Variants in AFF3 observed in about 807,000 individuals in gnomAD.
The protein encoded by AFF3 is ALF transcription elongation factor 3.
In AFF3, 32 loss-of-function variants were observed where a neutral mutation model predicts 129.7. The ratio of observed to expected loss-of-function variants is 0.25; its 90% CI spans 0.19 to 0.33. AFF3 has a LOEUF of 0.33. Ranked by LOEUF, AFF3 falls within the 10% of genes least tolerant of loss-of-function variation. AFF3 has a pLI of 1.00. For missense variants in AFF3, 1,373 were observed against 1,592.0 expected (o/e 0.86, Z 2.34); for synonymous variants, 644 against 635.4 (o/e 1.01, Z -0.20).
intron 8 of AFF3, among the ~76,000 whole-genome samples, chr2:99,828,556 G>A (rs554447721): frequency 1.3e-5 from 2 of 152,288 alleles, no homozygotes; most frequent in Admixed American, 1.3e-4. Flanking sequence ...AGACCGCCAC[G>A]AGACGGACCC....
At chr2:99,630,588 A>C (rs1367320090) in intron 13 of AFF3, 1 of 152,740 alleles carries the variant, frequency 6.5e-6, no homozygotes, top group Non-Finnish European at 1.5e-5. Context: ...TAATTTATAA[A>C]GAAACAAATT....
Position 99,932,582 on chromosome 2 carries a change from G to A in AFF3, c.873+74050C>T, listed in dbSNP as rs148082309. ...CAGGATCCAGCCAACCAGTGCTGAC[G>A]TCCTTCGCTCAGGGAGGTGTTGGGC... is the stretch of plus-strand genomic sequence containing the variant. On this transcript the variant is annotated intron_variant, in intron 7 of 24. Coordinates refer to ENST00000672756, the MANE Select transcript of AFF3 (RefSeq NM_001386135.1). 2.4e-4 allele frequency among the ~76,000 whole-genome samples: 36 copies of A among 152,282 alleles called. 1 individual carries two copies. The East Asian group carries it at 3.9e-3, about 16-fold the overall frequency.
chr2:99,772,750 G>A lies in AFF3; in HGVS notation c.922-20449C>T, dbSNP rs376533165. On this transcript the variant is annotated intron_variant, in intron 8 of 24. Coordinates refer to ENST00000672756, the MANE Select transcript of AFF3 (RefSeq NM_001386135.1). ...CTGGGAAGTTAAGGTCCTAGTCTCC[G>A]GCTAATTCTAGAACCATCTATCATT... is the stretch of plus-strand genomic sequence containing the variant. Among the ~76,000 whole-genome samples the A allele has an allele frequency of 1.4e-4, 22 of 152,234 alleles. No homozygotes were observed. In the East Asian group the frequency reaches 2.5e-3, roughly 17 times the overall value.
At chr2:100,109,585 T>G (rs1430180656) in intron 2 of AFF3, among the ~76,000 whole-genome samples, 2 of 152,156 alleles carry the variant, frequency 1.3e-5, no homozygotes, top group Non-Finnish European at 2.9e-5. Context: ...ACAGGTTCTT[T>G]GTCATGCTTC....
Position 99,601,586 on chromosome 2 carries a change from A to G in AFF3, c.1220T>C (p.Val407Ala). 6.3e-7 allele frequency: 1 copy of G among 1,598,656 alleles called. No individual in the cohort carries two copies. Among genetic ancestry groups the G allele is most frequent in the Non-Finnish European group, 8.5e-7 (1 of 1,176,850 alleles). The change falls in exon 14 of 25, where the codon GTG becomes GCG. Residue 407 changes from valine (V) to alanine (A), a missense_variant. Val to Ala is a moderately conservative substitution (Grantham distance 64, BLOSUM62 0). Transcript: ENST00000672756. ...VVQQPNCRTS[V>A]PSSKGSSSSS... ...GCTGCTGCTGCCCTTGCTGGAAGGC[A>G]CCGAGGTTCTGCAGTTGGGCTGCTG...
intron 7 of AFF3, among the ~76,000 whole-genome samples, chr2:99,892,032 C>T (rs1693600246): frequency 6.6e-6 from 1 of 152,126 alleles, no homozygotes. Flanking sequence ...CCGTATTAGC[C>T]AGGATGGTCT....
chr2:99,667,882 C>T (rs991200655), intron 12 of AFF3, among the ~76,000 whole-genome samples: 11 of 151,400 alleles, frequency 7.3e-5, no homozygotes, highest in Non-Finnish European at 1.0e-4. Context: ...TTTGGCTGGG[C>T]GTGGTGGCTC....
At chr2:99,957,419 G>C (rs899701702) in intron 7 of AFF3, among the ~76,000 whole-genome samples, 11 of 152,146 alleles carry the variant, frequency 7.2e-5, no homozygotes, top group African/African-American at 2.7e-4. Context: ...TCCACAGCCT[G>C]TCAAATTAGA....
At chr2:100,084,328 A>G (rs1689260627) in intron 4 of AFF3, among the ~76,000 whole-genome samples, 1 of 152,250 alleles carries the variant, frequency 6.6e-6, no homozygotes, top group Non-Finnish European at 1.5e-5. Flanking sequence ...AGCTCATTTA[A>G]TCCTCACATT....
chr2:100,084,281 T>C (rs1426865470), intron 4 of AFF3, among the ~76,000 whole-genome samples: 1 of 152,238 alleles, frequency 6.6e-6, no homozygotes, highest in Non-Finnish European at 1.5e-5. Flanking sequence ...GCTAAACACA[T>C]TGTGCACTTA....
chr2:99,615,168 G>C (rs912444628), intron 13 of AFF3, among the ~76,000 whole-genome samples: 3 of 152,202 alleles, frequency 2.0e-5, no homozygotes, highest in Non-Finnish European at 4.4e-5. Flanking sequence ...TCACTGGGCA[G>C]CATGGAAATG....
In AFF3 at chr2:99,837,664, G is replaced by C. The variant is rs964038906; in HGVS notation, c.874-140C>G. On this transcript the variant is annotated intron_variant, in intron 7 of 24. Transcript: ENST00000672756. ...TGAGGGGATGCCTGACCTGGGACTG[G>C]CAGACAGGCTCCTTTCCCTAACAGC... 1.1e-4 allele frequency: 75 copies of C among 689,118 alleles called. No individual in the cohort carries two copies. The African/African-American group carries it at 1.3e-3, about 12-fold the overall frequency. The allele number at this position is 689,118 out of a possible 1,614,324, so 42.7% of individuals were successfully genotyped here. A position where few individuals can be genotyped will look rare whatever the true frequency, so the allele number is the denominator to read the frequency against.
chr2:100,067,451 C>A (rs1389352217), intron 4 of AFF3, among the ~76,000 whole-genome samples: 1 of 152,150 alleles, frequency 6.6e-6, no homozygotes, highest in Non-Finnish European at 1.5e-5. Flanking sequence ...AGAATCCTTT[C>A]TGAGTGATCA....
chr2:99,764,129 C>T (rs1682826007), intron 8 of AFF3, among the ~76,000 whole-genome samples: 1 of 152,160 alleles, frequency 6.6e-6, no homozygotes, highest in Non-Finnish European at 1.5e-5. Context: ...CCTGTGCATC[C>T]CACTTGCTCC....
chr2:99,801,915 T>C (rs550563092), intron 8 of AFF3, among the ~76,000 whole-genome samples: 3 of 152,340 alleles, frequency 2.0e-5, no homozygotes, highest in Non-Finnish European at 4.4e-5. Flanking sequence ...CACCTCCCAA[T>C]AGAACTATTT....
chr2:99,778,592 CA>C (rs1469987435), intron 8 of AFF3, among the ~76,000 whole-genome samples: 2 of 152,144 alleles, frequency 1.3e-5, no homozygotes, highest in Non-Finnish European at 2.9e-5. Flanking sequence ...TCTATCTTAA[CA>C]ATATTAAGTC....
chr2:100,014,139 C>G (rs1158172652), intron 4 of AFF3, among the ~76,000 whole-genome samples: 1 of 150,952 alleles, frequency 6.6e-6, no homozygotes, highest in South Asian at 2.1e-4. Flanking sequence ...GCACTCGCTC[C>G]AAGCAAACTG....
At chr2:100,048,029 C>T (rs1196798474) in intron 4 of AFF3, among the ~76,000 whole-genome samples, 2 of 152,334 alleles carry the variant, frequency 1.3e-5, no homozygotes, top group Non-Finnish European at 1.5e-5. Flanking sequence ...CAACCAAAGA[C>T]GTTCTGGTGT....
intron 7 of AFF3, among the ~76,000 whole-genome samples, chr2:99,885,881 G>A (rs1183307631): frequency 6.6e-6 from 1 of 152,170 alleles, no homozygotes; most frequent in Non-Finnish European, 1.5e-5. Context: ...ATGTGATAGA[G>A]CTTCTCCACC....
Sources: gnomAD v4.1 joint callset for allele counts (sites outside exome capture counted in the v4.1 genomes callset) on GRCh38, gnomAD v4.1.1 for gene constraint, MANE v1.5 for transcripts, NCBI Gene and HGNC (gene_info 2026-07-23, HGNC 2026-07-21) for gene names.